Variants in PTPRD observed in about 807,000 individuals in gnomAD.
PTPRD encodes receptor-type tyrosine-protein phosphatase delta.
Under a neutral mutation model 214.5 loss-of-function variants are expected in PTPRD, and 34 were observed. The ratio of observed to expected loss-of-function variants is 0.16; its 90% CI spans 0.12 to 0.21. The LOEUF (loss-of-function observed/expected upper bound fraction) is 0.21, where lower values mean the gene tolerates loss of function less well. Among genes scored for constraint, PTPRD ranks in the 10% least tolerant of loss-of-function variants. PTPRD has a pLI of 1.00. For synonymous variants in PTPRD, 1,128 were observed against 845.7 expected (o/e 1.33, Z -5.79); for missense variants, 2,545 against 2,398.7 (o/e 1.06, Z -1.27).
intron 2 of PTPRD, among the ~76,000 whole-genome samples, chr9:10,375,987 G>A (rs1486703965): frequency 2.0e-5 from 3 of 151,724 alleles, no homozygotes. Context: ...TAGTATCTTT[G>A]CCTTTTGTTA....
At chr9:9,936,382 G>GA (rs1207270687) in intron 5 of PTPRD, among the ~76,000 whole-genome samples, 26 of 151,658 alleles carry the variant, frequency 1.7e-4, no homozygotes, top group Middle Eastern at 6.8e-3. Context: ...AAATTTACAA[G>GA]AAAAAAACAA....
chr9:8,440,965 T>A (rs2095527931), intron 34 of PTPRD, among the ~76,000 whole-genome samples: 1 of 152,198 alleles, frequency 6.6e-6, no homozygotes, highest in South Asian at 2.1e-4. Context: ...CATCTCAACA[T>A]GCAGCTTGGG....
chr9:9,811,063 C>T (rs965808929), intron 5 of PTPRD, among the ~76,000 whole-genome samples: 2 of 151,972 alleles, frequency 1.3e-5, no homozygotes, highest in Non-Finnish European at 2.9e-5. Context: ...CATGGTGAAA[C>T]TCCATCTGTA....
At chr9:8,654,185 G>C (rs548110584) in intron 12 of PTPRD, among the ~76,000 whole-genome samples, 1 of 152,168 alleles carries the variant, frequency 6.6e-6, no homozygotes, top group Non-Finnish European at 1.5e-5. Context: ...ACTACTGACT[G>C]TATCTCAAGA....
intron 14 of PTPRD, among the ~76,000 whole-genome samples, chr9:8,558,101 T>C (rs1050754349): frequency 2.2e-4 from 33 of 152,286 alleles, no homozygotes; most frequent in African/African-American, 2.4e-4. Flanking sequence ...TGTCAGACAA[T>C]TTTTAAAAAT....
intron 12 of PTPRD, among the ~76,000 whole-genome samples, chr9:8,699,630 A>G (rs987346264): frequency 5.9e-5 from 9 of 152,228 alleles, no homozygotes; most frequent in Non-Finnish European, 1.2e-4. Context: ...AACTTTCATG[A>G]ATATAATTTC....
In PTPRD at chr9:10,294,083, T is replaced by C. The variant is rs548686774; in HGVS notation, c.-545+46880A>G. On this transcript the variant is annotated intron_variant, in intron 3 of 45. Coordinates refer to ENST00000381196, the MANE Select transcript of PTPRD (RefSeq NM_002839.4). ...AAGTTCTATCGACATTATTGCAAAA[T>C]ATATGAAACATTTGGCTGAATTGGT... is the stretch of plus-strand genomic sequence containing the variant. Among the ~76,000 whole-genome samples, 5 of 152,082 alleles carry C rather than the reference T, an allele frequency of 3.3e-5. No homozygotes were observed. In the East Asian group the frequency reaches 9.6e-4, roughly 29 times the overall value.
chr9:8,854,717 C>T (rs2097882760), intron 11 of PTPRD, among the ~76,000 whole-genome samples: 2 of 152,178 alleles, frequency 1.3e-5, no homozygotes, highest in Non-Finnish European at 2.9e-5. Context: ...GCTAACTAAA[C>T]TGTGGTCACA....
intron 24 of PTPRD, among the ~76,000 whole-genome samples, chr9:8,500,465 A>T (rs1341603137): frequency 6.8e-6 from 1 of 146,810 alleles, no homozygotes; most frequent in Non-Finnish European, 1.5e-5. Flanking sequence ...AAGACTTTAG[A>T]TGGAGGCACA....
chr9:8,690,300 G>C (rs532007740), intron 12 of PTPRD, among the ~76,000 whole-genome samples: 33 of 151,946 alleles, frequency 2.2e-4, no homozygotes, highest in African/African-American at 7.5e-4. Flanking sequence ...GGTCGAGGCG[G>C]GCAGATCACA....
At chr9:10,593,719 T>A (rs1482313239) in intron 2 of PTPRD, among the ~76,000 whole-genome samples, 1 of 151,988 alleles carries the variant, frequency 6.6e-6, no homozygotes, top group Non-Finnish European at 1.5e-5. Context: ...TTTATCTTGA[T>A]CCAGAGAAAT....
intron 8 of PTPRD, among the ~76,000 whole-genome samples, chr9:9,543,044 T>A (rs931285521): frequency 6.6e-6 from 1 of 151,594 alleles, no homozygotes; most frequent in Admixed American, 6.6e-5. Context: ...TCATACCAAT[T>A]GAAAACAATG....
intron 3 of PTPRD, among the ~76,000 whole-genome samples, chr9:10,172,292 C>T (rs921442071): frequency 3.3e-5 from 5 of 152,064 alleles, no homozygotes; most frequent in Non-Finnish European, 7.4e-5. Context: ...TATAAGCTAC[C>T]TCTTATAAAT....
At chr9:10,009,437 C>T (rs547267210) in intron 4 of PTPRD, among the ~76,000 whole-genome samples, 1 of 151,968 alleles carries the variant, frequency 6.6e-6, no homozygotes, top group Non-Finnish European at 1.5e-5. Flanking sequence ...GTTTCCAGGT[C>T]ATAGGTGGAT....
chr9:8,332,605 G>C (rs531609242), intron 43 of PTPRD, among the ~76,000 whole-genome samples: 2 of 151,960 alleles, frequency 1.3e-5, no homozygotes, highest in Non-Finnish European at 2.9e-5. Context: ...AAACTGCTCT[G>C]ACTCACGAAG....
chr9:9,069,071 T>C (rs1398119015), intron 10 of PTPRD, among the ~76,000 whole-genome samples: 4 of 152,206 alleles, frequency 2.6e-5, no homozygotes, highest in African/African-American at 7.2e-5. Flanking sequence ...AATATGCTTT[T>C]ATTCAATAAG....
intron 3 of PTPRD, among the ~76,000 whole-genome samples, chr9:10,111,035 G>A (rs1189802624): frequency 6.6e-6 from 1 of 152,006 alleles, no homozygotes; most frequent in Non-Finnish European, 1.5e-5. Context: ...TTCTAGAACT[G>A]TTTACTTTCT....
In PTPRD at chr9:9,570,966, A is replaced by G. The variant is rs1247875501; in HGVS notation, c.-237+3766T>C. ...AAGAACTGAAACACGTTAGCTAACT[A>G]CTAAAATAAGATACTATCTACTTTG... On this transcript the variant is annotated intron_variant, in intron 8 of 45. Coordinates refer to ENST00000381196, the MANE Select transcript of PTPRD (RefSeq NM_002839.4). Among the ~76,000 whole-genome samples, 11 of 151,606 alleles carry G rather than the reference A, an allele frequency of 7.3e-5. No individual in the cohort carries two copies. In the South Asian group the frequency reaches 1.9e-3, roughly 26 times the overall value.
chr9:9,893,529 G>A (rs1295844300), intron 5 of PTPRD, among the ~76,000 whole-genome samples: 1 of 152,036 alleles, frequency 6.6e-6, no homozygotes, highest in African/African-American at 2.4e-5. Flanking sequence ...ACTATATGTA[G>A]GAAATATAAA....
Sources: allele counts gnomAD v4.1 joint callset (sites outside exome capture counted in the v4.1 genomes callset), GRCh38; gene constraint gnomAD v4.1.1; transcripts MANE v1.5; gene names NCBI Gene and HGNC (gene_info 2026-07-23, HGNC 2026-07-21).